The following LRP1B variants were observed in gnomAD, a reference collection of about 807,000 sequenced individuals.
LRP1B encodes the protein low-density lipoprotein receptor-related protein 1B.
LRP1B carries 217 observed loss-of-function variants against 556.6 expected under a neutral mutation model. The observed-to-expected ratio is 0.39, with a 90% confidence interval of 0.35 to 0.44. The LOEUF is 0.44. LRP1B is among the 20% of genes least tolerant of loss of function. LRP1B has a pLI of 1.00. For synonymous variants in LRP1B, 2,047 were observed against 1,865.8 expected (o/e 1.10, Z -2.50); for missense variants, 5,053 against 5,620.8 (o/e 0.90, Z 3.23).
At chr2:141,880,739 C>T (rs1698930014) in intron 1 of LRP1B, among the ~76,000 whole-genome samples, 1 of 152,014 alleles carries the variant, frequency 6.6e-6, no homozygotes, top group Non-Finnish European at 1.5e-5. Flanking sequence ...AATGTGCATA[C>T]TGTATGACCC....
chr2:141,304,462 T>C lies in LRP1B; in HGVS notation c.344-49821A>G, dbSNP rs1026100219. On this transcript the variant is annotated intron_variant, in intron 3 of 90. Transcript: ENST00000389484. Reference sequence around the variant, plus strand: ...TTTTTGTATATTGAGAAAGTAGGAGTCCAGTTTCATTCATTTTTTTTTTTT... The same window carrying C: ...TTTTTGTATATTGAGAAAGTAGGAGCCCAGTTTCATTCATTTTTTTTTTTT... Among the ~76,000 whole-genome samples the C allele has an allele frequency of 1.5e-4, 22 of 145,774 alleles. No individual in the cohort carries two copies. In the Admixed American group the frequency reaches 1.6e-3, roughly 10 times the overall value.
At chr2:142,022,000 C>T (rs932104091) in intron 1 of LRP1B, among the ~76,000 whole-genome samples, 7 of 152,122 alleles carry the variant, frequency 4.6e-5, no homozygotes, top group South Asian at 4.1e-4. Context: ...TTCATAAAAA[C>T]GTAAATTTGC....
rs138429076 is a variant in LRP1B, at chr2:140,544,090, C to T, written c.7195-2119G>A. On this transcript the variant is annotated intron_variant, in intron 43 of 90. Transcript: ENST00000389484. ...TTATCATCTTTACAATCTTTAAGTG[C>T]ACAATTCAGTGGTAATAAAAACATT... 3.1e-3 allele frequency among the ~76,000 whole-genome samples: 476 copies of T among 152,072 alleles called. 2 individuals carry two copies. The highest frequency in any genetic ancestry group is 0.011 in the African/African-American group (452 of 41,522).
intron 1 of LRP1B, among the ~76,000 whole-genome samples, chr2:142,101,629 T>A (rs1706571936): frequency 1.3e-5 from 2 of 151,986 alleles, no homozygotes. Flanking sequence ...AAGAAAACTA[T>A]TTTTAACTGT....
intron 7 of LRP1B, among the ~76,000 whole-genome samples, chr2:141,078,659 A>G (rs1699852002): frequency 6.6e-6 from 1 of 152,178 alleles, no homozygotes; most frequent in African/African-American, 2.4e-5. Flanking sequence ...GCATGAAGAA[A>G]GAAGTGTTCT....
intron 43 of LRP1B, among the ~76,000 whole-genome samples, chr2:140,563,342 AT>A (rs1339258765): frequency 6.6e-6 from 1 of 152,090 alleles, no homozygotes; most frequent in East Asian, 1.9e-4. Flanking sequence ...AAAATTTGAT[AT>A]TTTCTATTTC....
chr2:140,932,886 T>TACACACAGACACAC, intron 20 of LRP1B, among the ~76,000 whole-genome samples: 1 of 127,566 alleles, frequency 7.8e-6, no homozygotes, highest in Admixed American at 8.2e-5. Flanking sequence ...TCTCTCCCTA[T>TACACACAGACACAC]ACACACACAC....
chr2:140,774,625 AT>A (rs1689428396), intron 33 of LRP1B, among the ~76,000 whole-genome samples: 1 of 152,146 alleles, frequency 6.6e-6, no homozygotes, highest in African/African-American at 2.4e-5. Flanking sequence ...TCTCATATGT[AT>A]GCGTTATTCA....
intron 83 of LRP1B, among the ~76,000 whole-genome samples, chr2:140,313,823 AAT>A (rs1684407641): frequency 6.6e-6 from 1 of 151,926 alleles, no homozygotes; most frequent in South Asian, 2.1e-4. Context: ...ACAGAATAAA[AAT>A]ATGTGGTAAG....
At chr2:141,443,612 G>A (rs1681068781) in intron 3 of LRP1B, among the ~76,000 whole-genome samples, 1 of 152,106 alleles carries the variant, frequency 6.6e-6, no homozygotes, top group African/African-American at 2.4e-5. Context: ...TGTATAAGGT[G>A]TAAGGAAGGG....
intron 35 of LRP1B, among the ~76,000 whole-genome samples, chr2:140,765,212 CATT>C (rs1689060091): frequency 2.0e-5 from 3 of 152,014 alleles, no homozygotes; most frequent in Admixed American, 6.6e-5. Context: ...GTTGTTGCAT[CATT>C]GAGTTGGATG....
At chr2:140,695,829 C>A (rs1290003346) in intron 41 of LRP1B, among the ~76,000 whole-genome samples, 1 of 152,124 alleles carries the variant, frequency 6.6e-6, no homozygotes, top group Non-Finnish European at 1.5e-5. Context: ...ACCTAATAAT[C>A]TATGGCACAC....
intron 66 of LRP1B, among the ~76,000 whole-genome samples, chr2:140,386,940 G>C (rs1683785282): frequency 6.6e-6 from 1 of 152,138 alleles, no homozygotes; most frequent in African/African-American, 2.4e-5. Context: ...TTGCTATAAT[G>C]GAAATTGGGA....
chr2:141,355,754 C>T (rs1466135783), intron 3 of LRP1B, among the ~76,000 whole-genome samples: 1 of 152,050 alleles, frequency 6.6e-6, no homozygotes, highest in Non-Finnish European at 1.5e-5. Flanking sequence ...GATAATCTAT[C>T]TCCTAGAATT....
intron 7 of LRP1B, among the ~76,000 whole-genome samples, chr2:141,144,149 A>G (rs1701724186): frequency 6.6e-6 from 1 of 152,204 alleles, no homozygotes; most frequent in Non-Finnish European, 1.5e-5. Flanking sequence ...TCTCATTTTT[A>G]TGAAGGAGAA....
intron 1 of LRP1B, among the ~76,000 whole-genome samples, chr2:142,026,775 T>C (rs980127319): frequency 6.6e-6 from 1 of 152,036 alleles, no homozygotes; most frequent in African/African-American, 2.4e-5. Context: ...TTAAAACCTA[T>C]ACTTTGGCCA....
At chr2:142,026,899 TAAG>T (rs1703526377) in intron 1 of LRP1B, among the ~76,000 whole-genome samples, 1 of 152,036 alleles carries the variant, frequency 6.6e-6, no homozygotes, top group Non-Finnish European at 1.5e-5. Context: ...GTCCTCCTCA[TAAG>T]AAGAATTGCC....
chr2:141,883,581 A>G (rs1699022856), intron 1 of LRP1B, among the ~76,000 whole-genome samples: 1 of 152,142 alleles, frequency 6.6e-6, no homozygotes, highest in African/African-American at 2.4e-5. Context: ...AAAAATAGTC[A>G]GGTGTAGTGG....
chr2:140,725,859 C>A (rs977114312), intron 35 of LRP1B, among the ~76,000 whole-genome samples: 17 of 152,052 alleles, frequency 1.1e-4, no homozygotes, highest in Non-Finnish European at 2.1e-4. Flanking sequence ...TTCTGATTAG[C>A]CATTTTCCAA....
Sources: gnomAD v4.1 joint callset for allele counts (sites outside exome capture counted in the v4.1 genomes callset) on GRCh38, gnomAD v4.1.1 for gene constraint, MANE v1.5 for transcripts, NCBI Gene and HGNC (gene_info 2026-07-23, HGNC 2026-07-21) for gene names.